Variants in ZNF268 observed in about 807,000 individuals in gnomAD.
The protein encoded by ZNF268 is zinc finger protein 268, also known as zinc finger protein 3.
ZNF268 carries 20 observed loss-of-function variants against 29.3 expected under a neutral mutation model. The observed-to-expected ratio is 0.68, with a 90% CI of 0.48 to 0.99. ZNF268 has a LOEUF of 0.99. ZNF268 is among the 50% of genes least tolerant of loss of function. The pLI is 0.00. For missense variants in ZNF268, 1,240 were observed against 1,121.6 expected, an observed-to-expected ratio of 1.11 and a Z score of -1.51; for synonymous variants, 429 against 376.9, an observed-to-expected ratio of 1.14 and a Z score of -1.60.
At chr12:133,184,259 G>A (rs190191856) in intron 2 of ZNF268, among the ~76,000 whole-genome samples, 96 of 151,050 alleles carry the variant, frequency 6.4e-4, no homozygotes, top group Middle Eastern at 3.4e-3. Flanking sequence ...GTGCCACCAC[G>A]CCCAGCTAAT....
rs2135531920 is a variant in ZNF268 at position 133,207,048 on chromosome 12, TG to T, written c.*2521del. 6.6e-6 allele frequency: 1 copy of T among 152,324 alleles called. No individual in the cohort carries two copies. The highest frequency in any genetic ancestry group is 2.4e-5 in the African/African-American group (1 of 41,558). 9.4% of individuals were successfully genotyped at this position (152,324 alleles called of 1,614,324 possible). On this transcript the variant is annotated 3_prime_UTR_variant, in exon 6 of 6. Transcript: ENST00000536435. ...TATTGAGGACAGCACTCACATACTG[TG>T]GGAAAGAATAATACTTGATTAGGAC...
intron 5 of ZNF268, among the ~76,000 whole-genome samples, chr12:133,201,032 G>A (rs1566378895): frequency 1.3e-5 from 2 of 151,876 alleles, no homozygotes; most frequent in Admixed American, 6.6e-5. Flanking sequence ...TTTTTATGTT[G>A]GTATGACTGT....
intron 3 of ZNF268, among the ~76,000 whole-genome samples, chr12:133,190,598 G>C (rs940277957): frequency 6.6e-6 from 1 of 152,178 alleles, no homozygotes; most frequent in African/African-American, 2.4e-5. Context: ...ATATTTTCAT[G>C]TTTAGGTCTT....
rs1280348599 is a variant in ZNF268 at position 133,211,927 on chromosome 12, A to C, written c.*7397A>C. ...TCTAAACAAAACCCAGCATGTACTC[A>C]CGTACAGCAGCTCTTTTCATAACAG... is the stretch of plus-strand genomic sequence containing the variant. On this transcript the variant is annotated 3_prime_UTR_variant, in exon 6 of 6. Transcript: ENST00000536435. 1 of 152,218 alleles carries C rather than the reference A, an allele frequency of 6.6e-6. No homozygotes were observed. The highest frequency in any genetic ancestry group is 1.5e-5 in the Non-Finnish European group (1 of 68,038). 9.4% of individuals were successfully genotyped at this position (152,218 alleles called of 1,614,324 possible).
Position 133,205,306 on chromosome 12 carries a change from G to T in ZNF268, c.*776G>T, listed in dbSNP as rs1022585896. 6.6e-6 allele frequency: 1 copy of T among 151,724 alleles called. No homozygotes were observed. The highest frequency in any genetic ancestry group is 1.5e-5 in the Non-Finnish European group (1 of 67,908). The allele number at this position is 151,724 out of a possible 1,614,324, so 9.4% of individuals were successfully genotyped here. On this transcript the variant is annotated 3_prime_UTR_variant, in exon 6 of 6. Coordinates refer to ENST00000536435, the MANE Select transcript of ZNF268 (RefSeq NM_003415.3). ...GAAAATTCTCAATTATAAATAATAA[G>T]ATACAGATTATTTCATTGTACAAGT...
rs757295548 is a variant in ZNF268, at chr12:133,203,842, CA to C, written c.2157del (p.Gly720GlufsTer76). On this transcript the variant is annotated frameshift_variant, in exon 6 of 6. Transcript: ENST00000536435. LOFTEE classifies it low-confidence loss of function (END_TRUNC). ...CTTATTATACATATGAGAACTCATA[CA>C]GGAGAGAAACCACATGAGTGCAGGG... Reference protein sequence around the residue: ...SYLIIHMRTHTGEKPHECREC... With the variant: ...SYLIIHMRTHXGEKPHECREC... 181 of 1,564,956 alleles carry C rather than the reference CA, an allele frequency of 1.2e-4. No homozygotes were observed. The highest frequency in any genetic ancestry group is 1.5e-4 in the Non-Finnish European group (177 of 1,161,112).
intron 3 of ZNF268, 107 bp downstream of exon 3, chr12:133,188,179 C>G: frequency 9.5e-7 from 1 of 1,057,586 alleles, no homozygotes; most frequent in South Asian, 1.7e-5. Flanking sequence ...TTAATCACTC[C>G]TCAGTTCAGT....
Position 133,207,346 on chromosome 12 carries a change from T to C in ZNF268, c.*2816T>C, listed in dbSNP as rs1956917990. 2.5e-5 allele frequency: 1 copy of C among 39,868 alleles called. No individual in the cohort carries two copies. Among genetic ancestry groups the C allele is most frequent in the Admixed American group, 3.1e-4 (1 of 3,228 alleles). The allele number at this position is 39,868 out of a possible 1,614,324, so 2.5% of individuals were successfully genotyped here. ...TTGTGAACATAGGTTTAAAAATCCA[T>C]ATTTGTGAACATAGGTTTAAAAATT... On this transcript the variant is annotated 3_prime_UTR_variant, in exon 6 of 6. Transcript: ENST00000536435.
chr12:133,210,798 C>T lies in ZNF268; in HGVS notation c.*6268C>T, dbSNP rs979720959. On this transcript the variant is annotated 3_prime_UTR_variant, in exon 6 of 6. Transcript: ENST00000536435. The stretch of plus-strand genomic sequence containing the variant: ...CCCCAGGTCCTGAGTAGAAGGAAGG[C>T]CTGGTCCTCTGTGGATTCAACCCAG... 2.2e-6 allele frequency: 1 copy of T among 455,756 alleles called. No homozygotes were observed. Among genetic ancestry groups the T allele is most frequent in the Non-Finnish European group, 4.4e-6 (1 of 226,606 alleles). 28.2% of individuals were successfully genotyped at this position (455,756 alleles called of 1,614,324 possible). A position where few individuals can be genotyped will look rare whatever the true frequency, so the allele number is the denominator to read the frequency against.
At chr12:133,190,041 T>G (rs981947802) in intron 3 of ZNF268, among the ~76,000 whole-genome samples, 4 of 152,090 alleles carry the variant, frequency 2.6e-5, no homozygotes, top group Admixed American at 6.5e-5. Context: ...TTCTCCTGAC[T>G]TTGTGATCTG....
chr12:133,203,568 A>G lies in ZNF268; in HGVS notation c.1882A>G (p.Ile628Val). The stretch of plus-strand genomic sequence containing the variant: ...AGCCTTTAATACAAAGTCAAACCTG[A>G]TTGTACATCAGAGAACTCATACAGG... ...QKAFNTKSNLIVHQRTHTGEK... is the reference protein window; with the variant it reads ...QKAFNTKSNLVVHQRTHTGEK... The change falls in exon 6 of 6, where the codon ATT becomes GTT. Residue 628 changes from isoleucine (I) to valine (V), a missense_variant. Around this residue, in one of 3 missense-constraint regions of ZNF268, gnomAD observed 1,177 missense variants for 1,039.6 expected, o/e 1.13. Coordinates refer to ENST00000536435, the MANE Select transcript of ZNF268 (RefSeq NM_003415.3). 2 of 1,563,944 alleles carry G rather than the reference A, an allele frequency of 1.3e-6. No individual in the cohort carries two copies. The highest frequency in any genetic ancestry group is 1.7e-6 in the Non-Finnish European group (2 of 1,157,820).
At position 133,204,391 on chromosome 12, in the gene ZNF268, C is replaced by T. The variant is rs1389150052; in HGVS notation, c.2705C>T (p.Ser902Phe). 2 of 1,571,464 alleles carry T rather than the reference C, an allele frequency of 1.3e-6. No homozygotes were observed. The highest frequency in any genetic ancestry group is 2.7e-5 in the African/African-American group (2 of 73,976). Residue 902 changes from serine to phenylalanine, a missense_variant, in exon 6 of 6, where the codon TCT becomes TTT. By Grantham distance (155) the Ser-to-Phe change is radical. Coordinates refer to ENST00000536435, the MANE Select transcript of ZNF268 (RefSeq NM_003415.3). ...YGCNECGKTF[S>F]QKSILSAHQR... The stretch of plus-strand genomic sequence containing the variant: ...TGCAATGAATGTGGGAAAACCTTCT[C>T]TCAAAAATCAATTCTCAGTGCACAT...
At chr12:133,189,022 T>G (rs928584216) in intron 3 of ZNF268, among the ~76,000 whole-genome samples, 7 of 152,128 alleles carry the variant, frequency 4.6e-5, no homozygotes, top group African/African-American at 1.7e-4. Context: ...CTTTCACTTT[T>G]CGATTTACAG....
Position 133,206,895 on chromosome 12 carries a change from CAG to C in ZNF268, c.*2367_*2368del, listed in dbSNP as rs1387543302. ...ATTATTATTGATGTACCAAAGAAGA[CAG>C]AATAAATTCATAAGAGAAAGTTTAT... On this transcript the variant is annotated 3_prime_UTR_variant, in exon 6 of 6. Transcript: ENST00000536435. The C allele has an allele frequency of 3.3e-5, 5 of 151,240 alleles. No individual in the cohort carries two copies. Among genetic ancestry groups the C allele is most frequent in the African/African-American group, 1.2e-4 (5 of 40,542 alleles). The allele number at this position is 151,240 out of a possible 1,614,324, so 9.4% of individuals were successfully genotyped here. A position where few individuals can be genotyped will look rare whatever the true frequency, so the allele number is the denominator to read the frequency against.
At chr12:133,188,663 G>A (rs1956385635) in intron 3 of ZNF268, among the ~76,000 whole-genome samples, 1 of 151,382 alleles carries the variant, frequency 6.6e-6, no homozygotes, top group Non-Finnish European at 1.5e-5. Flanking sequence ...TACGTAATAT[G>A]TATTGTTCGG....
intron 5 of ZNF268, among the ~76,000 whole-genome samples, chr12:133,194,921 A>AGCAGCAGTGAACACCACATGG (rs141139295): frequency 7.4e-6 from 1 of 134,802 alleles, no homozygotes; most frequent in Non-Finnish European, 1.7e-5. Flanking sequence ...CTTGTACTAC[A>AGCAGCAGTGAACACCACATGG]TTAATACAAG....
chr12:133,198,333 T>G (rs1400531065), intron 5 of ZNF268, among the ~76,000 whole-genome samples: 2 of 151,104 alleles, frequency 1.3e-5, no homozygotes, highest in African/African-American at 4.9e-5. Context: ...TTGTCAAAGA[T>G]CAGATAGTTG....
intron 5 of ZNF268, among the ~76,000 whole-genome samples, chr12:133,201,373 T>C (rs544685148): frequency 6.6e-6 from 1 of 152,172 alleles, no homozygotes; most frequent in East Asian, 1.9e-4. Flanking sequence ...ATATCCTCTG[T>C]CATTTCTTTT....
At position 133,203,654 on chromosome 12, in the gene ZNF268, T is replaced by G; in HGVS notation, c.1968T>G (p.Ile656Met). Reference protein sequence around the residue: ...GKAFTFKSQLIVHKGVHTGVK... With the variant: ...GKAFTFKSQLMVHKGVHTGVK... Reference sequence around the variant, plus strand: ...CCTTTACGTTCAAATCACAGCTCATTGTACATAAAGGAGTGCACACTGGAG... The same window carrying G: ...CCTTTACGTTCAAATCACAGCTCATGGTACATAAAGGAGTGCACACTGGAG... Residue 656 changes from isoleucine (I) to methionine (M), a missense_variant, in exon 6 of 6, where the codon ATT (isoleucine) becomes ATG (methionine). By Grantham distance (10) the Ile-to-Met change is conservative. Around this residue, in one of 3 missense-constraint regions of ZNF268, gnomAD observed 1,177 missense variants for 1,039.6 expected, o/e 1.13. Transcript: ENST00000536435. 2 of 1,554,682 alleles carry G rather than the reference T, an allele frequency of 1.3e-6. No individual in the cohort carries two copies. Among genetic ancestry groups the G allele is most frequent in the Non-Finnish European group, 1.7e-6 (2 of 1,154,570 alleles).
Sources: gnomAD v4.1 joint callset for allele counts (sites outside exome capture counted in the v4.1 genomes callset) on GRCh38, gnomAD v4.1.1 for gene constraint, gnomAD v4.1.1 regional missense constraint, MANE v1.5 for transcripts, NCBI Gene and HGNC (gene_info 2026-07-23, HGNC 2026-07-21) for gene names.